IMMP2L: variants seen among roughly 807,000 people sequenced by gnomAD.
IMMP2L encodes mitochondrial inner membrane protease subunit 2.
In IMMP2L, 18 loss-of-function variants were observed where a neutral mutation model predicts 19.3. The ratio of observed to expected loss-of-function variants is 0.93; its 90% CI spans 0.64 to 1.38. The LOEUF (loss-of-function observed/expected upper bound fraction) is 1.38, where lower values mean the gene tolerates loss of function less well. Ranked by LOEUF, IMMP2L falls within the 40% of genes most tolerant of loss-of-function variation. The pLI is 0.00. For synonymous variants in IMMP2L, 76 were observed against 73.0 expected (o/e 1.04, Z -0.21); for missense variants, 233 against 218.2 (o/e 1.07, Z -0.43).
intron 3 of IMMP2L, among the ~76,000 whole-genome samples, chr7:111,007,925 T>A (rs1824478859): frequency 6.6e-6 from 1 of 152,060 alleles, no homozygotes; most frequent in Admixed American, 6.6e-5. Context: ...ATTAATAGTA[T>A]CTCCATCCTT....
chr7:111,178,496 A>AT lies in IMMP2L; in HGVS notation c.240-214932dup, dbSNP rs1457884314. Among the ~76,000 whole-genome samples the AT allele has an allele frequency of 2.6e-5, 4 of 151,916 alleles. No homozygotes were observed. In the South Asian group the frequency reaches 6.2e-4, roughly 24 times the overall value. ...TAATTAACTCTTCCTTTCATGAAAG[A>AT]TTTTTTTGCAGCACATGATGCTGTT... On this transcript the variant is annotated intron_variant, in intron 3 of 5. Transcript: ENST00000405709.
chr7:111,358,017 C>G (rs1828885396), intron 3 of IMMP2L, among the ~76,000 whole-genome samples: 1 of 151,842 alleles, frequency 6.6e-6, no homozygotes, highest in African/African-American at 2.4e-5. Flanking sequence ...TTTTGATACC[C>G]TATCTCAGAG....
intron 3 of IMMP2L, among the ~76,000 whole-genome samples, chr7:111,471,066 T>C (rs561635030): frequency 6.6e-6 from 1 of 152,090 alleles, no homozygotes; most frequent in East Asian, 1.9e-4. Context: ...ATCGTGGCCA[T>C]TGGATTTAGC....
intron 3 of IMMP2L, among the ~76,000 whole-genome samples, chr7:111,307,559 T>C (rs571534290): frequency 6.6e-6 from 1 of 151,702 alleles, no homozygotes; most frequent in East Asian, 1.9e-4. Context: ...ATATAACATA[T>C]AAACTTTGCA....
At chr7:111,021,325 A>G (rs1298356541) in intron 3 of IMMP2L, among the ~76,000 whole-genome samples, 1 of 152,224 alleles carries the variant, frequency 6.6e-6, no homozygotes, top group Non-Finnish European at 1.5e-5. Flanking sequence ...AGAAAATCCT[A>G]TCTGAAAGCA....
chr7:111,183,455 A>G (rs1807933210), intron 3 of IMMP2L, among the ~76,000 whole-genome samples: 1 of 152,140 alleles, frequency 6.6e-6, no homozygotes, highest in Non-Finnish European at 1.5e-5. Context: ...GCTTTTTAAA[A>G]GAGTTTATAT....
chr7:110,897,485 C>T (rs1403639151), intron 4 of IMMP2L, among the ~76,000 whole-genome samples: 2 of 152,108 alleles, frequency 1.3e-5, no homozygotes, highest in East Asian at 1.9e-4. Context: ...TGTACACTCA[C>T]GTTGCTGGTA....
chr7:111,214,335 T>A, intron 3 of IMMP2L, among the ~76,000 whole-genome samples: 1 of 115,278 alleles, frequency 8.7e-6, no homozygotes, highest in African/African-American at 3.5e-5. Flanking sequence ...TTTCTTCTTT[T>A]TTTTTTTTTT....
chr7:111,549,757 T>C (rs990856827), intron 1 of IMMP2L, among the ~76,000 whole-genome samples: 1 of 151,982 alleles, frequency 6.6e-6, no homozygotes, highest in African/African-American at 2.4e-5. Flanking sequence ...CTGGCCAATA[T>C]AGTGAGACCT....
intron 3 of IMMP2L, among the ~76,000 whole-genome samples, chr7:111,337,252 T>A (rs1218409157): frequency 6.6e-6 from 1 of 152,122 alleles, no homozygotes; most frequent in African/African-American, 2.4e-5. Flanking sequence ...AATAGTTTAT[T>A]TTAACTTAGA....
chr7:111,417,332 C>G (rs990011160), intron 3 of IMMP2L, among the ~76,000 whole-genome samples: 2 of 151,810 alleles, frequency 1.3e-5, no homozygotes, highest in Non-Finnish European at 2.9e-5. Context: ...GAGGGCGTCA[C>G]AGTGAGCAAC....
At chr7:111,546,680 A>C (rs142454306) in intron 1 of IMMP2L, among the ~76,000 whole-genome samples, 1 of 152,090 alleles carries the variant, frequency 6.6e-6, no homozygotes, top group South Asian at 2.1e-4. Context: ...CCCTTCCTTC[A>C]AAGGTCAATT....
intron 3 of IMMP2L, among the ~76,000 whole-genome samples, chr7:111,332,240 T>C (rs1441553751): frequency 6.6e-6 from 1 of 151,362 alleles, no homozygotes; most frequent in East Asian, 1.9e-4. Context: ...AAAAAAAACT[T>C]CAAAAATCGA....
intron 4 of IMMP2L, among the ~76,000 whole-genome samples, chr7:110,954,231 C>A (rs1284760465): frequency 6.6e-6 from 1 of 152,094 alleles, no homozygotes; most frequent in Non-Finnish European, 1.5e-5. Context: ...AAATTTGTCT[C>A]CAACACAGCT....
At chr7:111,171,620 G>A (rs1171232117) in intron 3 of IMMP2L, among the ~76,000 whole-genome samples, 2 of 151,486 alleles carry the variant, frequency 1.3e-5, no homozygotes, top group Non-Finnish European at 3.0e-5. Flanking sequence ...TAGTCATAAT[G>A]TATACAGTAA....
chr7:110,861,259 T>C (rs1807399047), intron 5 of IMMP2L, among the ~76,000 whole-genome samples: 1 of 152,050 alleles, frequency 6.6e-6, no homozygotes, highest in Non-Finnish European at 1.5e-5. Context: ...TCCATTAATA[T>C]AATGCTTTTT....
intron 3 of IMMP2L, among the ~76,000 whole-genome samples, chr7:110,988,481 G>T (rs1347355006): frequency 6.6e-6 from 1 of 152,170 alleles, no homozygotes; most frequent in Non-Finnish European, 1.5e-5. Context: ...TGCAAGAGAA[G>T]CTGTGAAATG....
At chr7:111,483,347 C>A (rs1308540699) in intron 3 of IMMP2L, 1 of 152,092 alleles carries the variant, frequency 6.6e-6, no homozygotes, top group Non-Finnish European at 1.5e-5. Flanking sequence ...GGCCATCACA[C>A]AGGTTAACGA....
chr7:111,361,228 G>A (rs556971482), intron 3 of IMMP2L, among the ~76,000 whole-genome samples: 37 of 152,188 alleles, frequency 2.4e-4, no homozygotes, highest in Non-Finnish European at 3.7e-4. Context: ...GAACACATGG[G>A]TTTAAATACC....
Sources: allele counts gnomAD v4.1 joint callset (sites outside exome capture counted in the v4.1 genomes callset), GRCh38; gene constraint gnomAD v4.1.1; transcripts MANE v1.5; gene names NCBI Gene and HGNC (gene_info 2026-07-23, HGNC 2026-07-21).